CNKSR2: variants seen among roughly 807,000 people sequenced by gnomAD.
The protein encoded by CNKSR2 is CNK homolog protein 2.
CNKSR2 carries 14 observed loss-of-function variants against 84.4 expected under a neutral mutation model. The observed-to-expected ratio is 0.17, with a 90% CI of 0.11 to 0.26. CNKSR2 has a LOEUF of 0.26. CNKSR2 is among the 10% of genes least tolerant of loss of function. The probability of loss-of-function intolerance (pLI) is 1.00; values close to 1 mark genes in which losing one functional copy is unlikely to be tolerated. For missense variants in CNKSR2, 485 were observed against 771.2 expected, an observed-to-expected ratio of 0.63 and a Z score of 4.40; for synonymous variants, 275 against 277.9, an observed-to-expected ratio of 0.99 and a Z score of 0.10.
chrX:21,549,274 C>T (rs1601934734), intron 11 of CNKSR2, among the ~76,000 whole-genome samples: 1 of 108,969 alleles, frequency 9.2e-6, no homozygotes. Context: ...CCTATACACC[C>T]ATAATAGAGA....
rs1064794868 is a variant in CNKSR2 at position 21,609,149 on chromosome X, C to T, written c.2224C>T (p.His742Tyr). The T allele has an allele frequency of 8.3e-7, 1 of 1,211,648 alleles. No homozygotes were observed. The highest frequency in any genetic ancestry group is 1.1e-6 in the Non-Finnish European group (1 of 895,443). The change falls in exon 20 of 22, where the codon CAT becomes TAT. Residue 742 changes from histidine to tyrosine, a missense_variant. Coordinates refer to ENST00000379510, the MANE Select transcript of CNKSR2 (RefSeq NM_014927.5). ...GGAGACTTCTCAGTCTCAGTCTTCT[C>T]ATGAGGAGTTTCGCCAGGAAGTAAC... ...STETSQSQSS[H>Y]EEFRQEVTGS...
At chrX:21,526,650 G>A (rs1324500903) in intron 9 of CNKSR2, among the ~76,000 whole-genome samples, 2 of 111,362 alleles carry the variant, frequency 1.8e-5, no homozygotes, top group Admixed American at 1.9e-4. Flanking sequence ...AGTTGGGAGT[G>A]AAGTGGAAAC....
intron 2 of CNKSR2, chrX:21,428,756 C>T (rs1320237204): frequency 9.0e-6 from 1 of 111,058 alleles, no homozygotes; most frequent in African/African-American, 3.3e-5. Context: ...TTTTCATGTA[C>T]TTATAATTTC....
intron 5 of CNKSR2, among the ~76,000 whole-genome samples, chrX:21,477,659 G>A (rs1056878464): frequency 1.8e-5 from 2 of 111,426 alleles, no homozygotes; most frequent in African/African-American, 6.5e-5. Flanking sequence ...GGATCCTGGA[G>A]GAGAAAGTAA....
chrX:21,394,047 C>T (rs1475898710), intron 1 of CNKSR2, among the ~76,000 whole-genome samples: 1 of 111,873 alleles, frequency 8.9e-6, no homozygotes, highest in African/African-American at 3.2e-5. Context: ...ACATCCTGTC[C>T]TGTATTTGTA....
intron 11 of CNKSR2, among the ~76,000 whole-genome samples, chrX:21,558,367 T>A (rs1754301246): frequency 9.0e-6 from 1 of 111,426 alleles, no homozygotes; most frequent in Non-Finnish European, 1.9e-5. Context: ...AAATCAATAA[T>A]ATACTTTATT....
chrX:21,500,758 G>GA (rs2091551072), intron 7 of CNKSR2, among the ~76,000 whole-genome samples: 1 of 110,873 alleles, frequency 9.0e-6, no homozygotes. Context: ...GGGAATAAAG[G>GA]AAAAAAGTGT....
chrX:21,453,613 G>A (rs958156011), intron 4 of CNKSR2, among the ~76,000 whole-genome samples: 2 of 111,794 alleles, frequency 1.8e-5, no homozygotes, highest in Admixed American at 9.5e-5. Context: ...CTCAGCCATA[G>A]GACCTTTTAA....
intron 13 of CNKSR2, among the ~76,000 whole-genome samples, chrX:21,565,420 T>C (rs2092229595): frequency 8.9e-6 from 1 of 111,970 alleles, no homozygotes; most frequent in Admixed American, 9.5e-5. Flanking sequence ...AAGGACATTG[T>C]TTAGTTATGT....
intron 9 of CNKSR2, among the ~76,000 whole-genome samples, chrX:21,517,658 A>G (rs1306550378): frequency 9.0e-6 from 1 of 110,802 alleles, no homozygotes; most frequent in African/African-American, 3.3e-5. Context: ...AACTTAAGTA[A>G]TTTTTGTCCT....
At position 21,497,696 on chromosome X, in the gene CNKSR2, A is replaced by G. The variant is rs2091515204; in HGVS notation, c.682-91A>G. 5 of 511,647 alleles carry G rather than the reference A, an allele frequency of 9.8e-6. No homozygotes were observed. The South Asian group carries it at 1.4e-4, about 14-fold the overall frequency. 42.2% of individuals were successfully genotyped at this position (511,647 alleles called of 1,213,427 possible). ...TGGGGCGTGTGGCAGTTTTAATTTG[A>G]TAGAGTAATTTTTTATATAAACGAG... On this transcript the variant is annotated intron_variant, in intron 6 of 21. Coordinates refer to ENST00000379510, the MANE Select transcript of CNKSR2 (RefSeq NM_014927.5).
Position 21,652,595 on chromosome X carries a change from T to C in CNKSR2, c.*74T>C. ...GTATATAAGGTAGTTTTTATATCAA[T>C]GTGTGGAACACTTGACAAGCTATAC... On this transcript the variant is annotated 3_prime_UTR_variant, in exon 22 of 22. Transcript: ENST00000379510. The C allele has an allele frequency of 1.3e-6, 1 of 761,781 alleles. No homozygotes were observed. Among genetic ancestry groups the C allele is most frequent in the Non-Finnish European group, 2.0e-6 (1 of 505,641 alleles). The allele number at this position is 761,781 out of a possible 1,213,427, so 62.8% of individuals were successfully genotyped here. A position where few individuals can be genotyped will look rare whatever the true frequency, so the allele number is the denominator to read the frequency against.
chrX:21,544,572 A>G (rs747893335), intron 11 of CNKSR2, among the ~76,000 whole-genome samples: 1 of 112,466 alleles, frequency 8.9e-6, no homozygotes, highest in Non-Finnish European at 1.9e-5. Flanking sequence ...CAGTAAGATT[A>G]AGAAAAAGAA....
At chrX:21,569,297 G>A (rs1239246947) in intron 13 of CNKSR2, among the ~76,000 whole-genome samples, 1 of 111,279 alleles carries the variant, frequency 9.0e-6, no homozygotes, top group East Asian at 2.8e-4. Context: ...GGTGGTAGCT[G>A]AAAGTTGGGG....
At chrX:21,618,296 T>C (rs2092587250) in intron 20 of CNKSR2, among the ~76,000 whole-genome samples, 1 of 111,599 alleles carries the variant, frequency 9.0e-6, no homozygotes, top group Non-Finnish European at 1.9e-5. Context: ...TAGGTACATC[T>C]TGGCCTAATA....
intron 8 of CNKSR2, among the ~76,000 whole-genome samples, chrX:21,509,788 A>T (rs1337449704): frequency 8.9e-6 from 1 of 111,932 alleles, no homozygotes; most frequent in East Asian, 2.8e-4. Context: ...ATTATTTAAT[A>T]GTTTTAGAAT....
intron 5 of CNKSR2, among the ~76,000 whole-genome samples, chrX:21,476,089 G>T (rs950610569): frequency 1.7e-4 from 19 of 110,515 alleles, no homozygotes; most frequent in South Asian, 3.9e-4. Context: ...TTTAAGGATG[G>T]GTAAAGAAAA....
intron 18 of CNKSR2, 27 bp from the exon 19 acceptor site, chrX:21,606,752 G>A: frequency 1.1e-6 from 1 of 889,392 alleles, no homozygotes; most frequent in Admixed American, 2.4e-5. Context: ...GTAGAATGTT[G>A]ACGTATCCAT....
chrX:21,606,692 T>C (rs1267611854), intron 18 of CNKSR2, 87 bp from the exon 19 acceptor site: 4 of 576,053 alleles, frequency 6.9e-6, no homozygotes, highest in Admixed American at 3.5e-5. Context: ...TTAAATTTCC[T>C]TTTTTTAAAT....
Sources: allele counts gnomAD v4.1 joint callset (sites outside exome capture counted in the v4.1 genomes callset), GRCh38; gene constraint gnomAD v4.1.1; transcripts MANE v1.5; gene names NCBI Gene and HGNC (gene_info 2026-07-23, HGNC 2026-07-21).